Variants in ETNK2 observed in about 807,000 individuals in gnomAD.
ETNK2 encodes ethanolamine kinase-like protein.
ETNK2 carries 33 observed loss-of-function variants against 46.2 expected under a neutral mutation model. That is an observed-to-expected ratio of 0.71 (90% CI 0.54 to 0.96). The LOEUF (loss-of-function observed/expected upper bound fraction) is 0.96. Ranked by LOEUF, ETNK2 falls within the 40% of genes least tolerant of loss-of-function variation. The pLI, the probability that ETNK2 is intolerant of heterozygous loss-of-function variation, is 0.00. For synonymous variants in ETNK2, 194 were observed against 209.0 expected, an observed-to-expected ratio of 0.93 and a Z score of 0.62; for missense variants, 445 against 509.7, an observed-to-expected ratio of 0.87 and a Z score of 1.22.
Position 204,151,775 on chromosome 1 carries a change from T to TGCG in ETNK2, c.77_78insCGC (p.Ser26_Trp27insAla), listed in dbSNP as rs1281145579. ...CCGCCGCCTTCTCCTCCATGCCCCATGAGCACTGCGGGCAAGGCGTGTGCC... is the reference window on the plus strand; with the variant it reads ...CCGCCGCCTTCTCCTCCATGCCCCATGCGGAGCACTGCGGGCAAGGCGTGTGCC... On this transcript the variant is annotated inframe_insertion, in exon 1 of 8. Coordinates refer to ENST00000367202, the MANE Select transcript of ETNK2 (RefSeq NM_018208.4). The surrounding 1 kb of genome is among the most constrained non-coding windows in gnomAD (Gnocchi z 8.0). 6.6e-7 allele frequency: 1 copy of TGCG among 1,514,838 alleles called. No homozygotes were observed. Among genetic ancestry groups the TGCG allele is most frequent in the Admixed American group, 2.3e-5 (1 of 43,666 alleles). 93.8% of individuals were successfully genotyped at this position (1,514,838 alleles called of 1,614,324 possible).
chr1:204,149,633 C>T, intron 2 of ETNK2, 70 bp downstream of exon 2: 1 of 1,497,136 alleles, frequency 6.7e-7, no homozygotes, highest in Non-Finnish European at 9.0e-7. Flanking sequence ...CCATGGACCC[C>T]ACATGCCAAG....
Position 204,137,127 on chromosome 1 carries a change from C to T in ETNK2, c.991G>A (p.Val331Met), listed in dbSNP as rs756691101. 7 of 1,613,862 alleles carry T rather than the reference C, an allele frequency of 4.3e-6. No individual in the cohort carries two copies. Among genetic ancestry groups the T allele is most frequent in the Admixed American group, 1.7e-5 (1 of 60,012 alleles). ...ACCAGGGCAAACTTGTTGACTTGCA[C>T]GTAGAGCCTTTGCACCTCCCTGGGG... ...VTPREVQRLY[V>M]QVNKFALASH... The change falls in exon 6 of 8, where the codon GTG (valine) becomes ATG (methionine). Residue 331 changes from valine (V) to methionine (M), a missense_variant. Physicochemically the swap from Val to Met is conservative, Grantham distance 21. Transcript: ENST00000367202.
chr1:204,140,193 C>T, intron 4 of ETNK2, 75 bp from the exon 5 acceptor site: 1 of 1,235,018 alleles, frequency 8.1e-7, no homozygotes, highest in East Asian at 2.3e-5. Context: ...CTTCCACAGA[C>T]CTCTGGGATG....
At chr1:204,149,051 C>CT (rs1166833335) in intron 2 of ETNK2, among the ~76,000 whole-genome samples, 1 of 152,170 alleles carries the variant, frequency 6.6e-6, no homozygotes, top group Non-Finnish European at 1.5e-5. Context: ...GGTCCTCCCC[C>CT]TTTCCAGGCT....
intron 5 of ETNK2, among the ~76,000 whole-genome samples, 158 bp downstream of exon 5, chr1:204,139,877 C>A (rs188831825): frequency 1.3e-5 from 2 of 152,116 alleles, no homozygotes; most frequent in Non-Finnish European, 2.9e-5. Context: ...TAAGTATTTA[C>A]GTATCTAAAC....
intron 4 of ETNK2, among the ~76,000 whole-genome samples, chr1:204,140,505 C>T (rs1282610404): frequency 1.3e-5 from 2 of 151,592 alleles, no homozygotes; most frequent in Non-Finnish European, 2.9e-5. Flanking sequence ...TTTCTTGGCA[C>T]AGATTTTTGT....
chr1:204,141,700 C>CA, intron 3 of ETNK2: 2 of 523,074 alleles, frequency 3.8e-6, no homozygotes, highest in Admixed American at 3.3e-5. Flanking sequence ...AAGCATGAGG[C>CA]AGAGCATAAA....
At position 204,140,062 on chromosome 1, in the gene ETNK2, T is replaced by C. The variant is rs767284095; in HGVS notation, c.841A>G (p.Ile281Val). The C allele has an allele frequency of 3.1e-6, 5 of 1,613,912 alleles. No homozygotes were observed. The highest frequency in any genetic ancestry group is 4.2e-6 in the Non-Finnish European group (5 of 1,179,870). ...YAGYNYQAFD[I>V]GNHFNEFAGV... ...GCAAACTCATTGAAATGGTTGCCAA[T>C]GTCAAAAGCTTGGTAGTTGTAGCCA... is the stretch of plus-strand genomic sequence containing the variant. Residue 281 changes from isoleucine (I) to valine (V), a missense_variant, in exon 5 of 8, where the codon ATT becomes GTT. Ile to Val is a conservative substitution (Grantham distance 29). Coordinates refer to ENST00000367202, the MANE Select transcript of ETNK2 (RefSeq NM_018208.4).
intron 6 of ETNK2, among the ~76,000 whole-genome samples, chr1:204,135,207 C>T (rs1657236209): frequency 6.6e-6 from 1 of 152,164 alleles, no homozygotes; most frequent in Non-Finnish European, 1.5e-5. Context: ...TTTGCTAAGC[C>T]TCAAACCGTG....
intron 5 of ETNK2, among the ~76,000 whole-genome samples, chr1:204,139,445 T>C (rs1290347141): frequency 6.6e-6 from 1 of 152,182 alleles, no homozygotes; most frequent in Non-Finnish European, 1.5e-5. Flanking sequence ...CCATATGGGC[T>C]AGGAGAGGTC....
Position 204,132,176 on chromosome 1 carries a change from G to A in ETNK2, c.*8C>T. 1 of 1,565,854 alleles carries A rather than the reference G, an allele frequency of 6.4e-7. No homozygotes were observed. Among genetic ancestry groups the A allele is most frequent in the South Asian group, 1.2e-5 (1 of 84,862 alleles). ...GACAGATGGGTAGGGGAGGGATGGG[G>A]TGGCTGGTCACTTTGGCATCTCCAA... On this transcript the variant is annotated 3_prime_UTR_variant, in exon 8 of 8. Coordinates refer to ENST00000367202, the MANE Select transcript of ETNK2 (RefSeq NM_018208.4).
rs1657096262 is a variant in ETNK2 at position 204,132,101 on chromosome 1, G to A, written c.*83C>T. 9.0e-7 allele frequency: 1 copy of A among 1,113,964 alleles called. No individual in the cohort carries two copies. Among genetic ancestry groups the A allele is most frequent in the South Asian group, 1.3e-5 (1 of 75,224 alleles). The allele number at this position is 1,113,964 out of a possible 1,614,324, so 69.0% of individuals were successfully genotyped here. A position where few individuals can be genotyped will look rare whatever the true frequency, so the allele number is the denominator to read the frequency against. ...TGTCCCCTCTCCCACCCTGTCCAAG[G>A]GTGTGGATCCCAGAGTGCAGAATTG... On this transcript the variant is annotated 3_prime_UTR_variant, in exon 8 of 8. Transcript: ENST00000367202.
At chr1:204,132,986 T>G (rs1657130586) in intron 7 of ETNK2, among the ~76,000 whole-genome samples, 1 of 152,220 alleles carries the variant, frequency 6.6e-6, no homozygotes, top group African/African-American at 2.4e-5. Context: ...TGGATTTGAC[T>G]ACTTTAGTTA....
chr1:204,144,304 C>T (rs1657683435), intron 3 of ETNK2, among the ~76,000 whole-genome samples: 1 of 134,176 alleles, frequency 7.5e-6, no homozygotes, highest in Non-Finnish European at 1.5e-5. Context: ...TGAGATCATG[C>T]CACTGGACTC....
In ETNK2 at chr1:204,132,775, TC is replaced by T. The variant is rs374699407; in HGVS notation, c.1089-520del. Among the ~76,000 whole-genome samples the T allele has an allele frequency of 3.7e-3, 561 of 152,206 alleles. 3 individuals carry two copies. Among genetic ancestry groups the T allele is most frequent in the African/African-American group, 0.013 (533 of 41,526 alleles). ...CAACTACATTTTTTTTCTTCTTAGA[TC>T]AGACTAGAGAAACCCTTCCACAAAC... On this transcript the variant is annotated intron_variant, in intron 7 of 7. Transcript: ENST00000367202.
chr1:204,139,085 C>G (rs562865993), intron 5 of ETNK2, among the ~76,000 whole-genome samples: 17 of 152,230 alleles, frequency 1.1e-4, no homozygotes, highest in African/African-American at 4.1e-4. Flanking sequence ...TATAGGGGCA[C>G]AGAGAAGGTA....
intron 2 of ETNK2, chr1:204,147,717 C>T (rs1399408561): frequency 3.2e-5 from 12 of 374,682 alleles, no homozygotes; most frequent in Non-Finnish European, 5.8e-5. Flanking sequence ...TTTCTCTTGC[C>T]AGGCCCTGGA....
At chr1:204,133,346 A>G (rs1657143518) in intron 7 of ETNK2, among the ~76,000 whole-genome samples, 1 of 152,074 alleles carries the variant, frequency 6.6e-6, no homozygotes, top group Admixed American at 6.6e-5. Flanking sequence ...TTTCCATAGT[A>G]GCTCACCATT....
chr1:204,140,114 G>T lies in ETNK2; in HGVS notation c.789C>A (p.His263Gln). 2 of 1,613,354 alleles carry T rather than the reference G, an allele frequency of 1.2e-6. No individual in the cohort carries two copies. The highest frequency in any genetic ancestry group is 1.7e-6 in the Non-Finnish European group (2 of 1,179,372). ...KNIIYDSIKG[H>Q]VRFIDYEYAG... The stretch of plus-strand genomic sequence containing the variant: ...CATATTCATAGTCAATGAACCGCAC[G>T]TGACCTATGAAGTAGAGGAGAATCG... The change falls in exon 5 of 8, where the codon CAC becomes CAA. Residue 263 changes from histidine (H) to glutamine (Q), a missense_variant. Transcript: ENST00000367202.
Sources: gnomAD v4.1 joint callset for allele counts (sites outside exome capture counted in the v4.1 genomes callset) on GRCh38, gnomAD v4.1.1 for gene constraint, Gnocchi (gnomAD v3.1) non-coding constraint, MANE v1.5 for transcripts, NCBI Gene and HGNC (gene_info 2026-07-23, HGNC 2026-07-21) for gene names.